Variants in GLDC observed in about 807,000 individuals in gnomAD.
The protein encoded by GLDC is glycine decarboxylase.
Under a neutral mutation model 121.3 loss-of-function variants are expected in GLDC, and 104 were observed. The ratio of observed to expected loss-of-function variants is 0.86; its 90% CI spans 0.73 to 1.01. The LOEUF is 1.01. Among genes scored for constraint, GLDC ranks in the 50% least tolerant of loss-of-function variants. GLDC has a pLI of 0.00. For missense variants in GLDC, 1,429 were observed against 1,306.6 expected (o/e 1.09, Z -1.44); for synonymous variants, 546 against 480.6 (o/e 1.14, Z -1.78).
chr9:6,593,683 T>C (rs1818428270), intron 9 of GLDC, among the ~76,000 whole-genome samples: 1 of 151,230 alleles, frequency 6.6e-6, no homozygotes, highest in Admixed American at 6.6e-5. Flanking sequence ...TGAACCATGA[T>C]TTAATCACTT....
intron 3 of GLDC, among the ~76,000 whole-genome samples, chr9:6,615,739 T>A (rs1818956071): frequency 6.6e-6 from 1 of 151,688 alleles, no homozygotes; most frequent in African/African-American, 2.4e-5. Context: ...GCCTCCCAAA[T>A]ATCTGAGATT....
At chr9:6,540,232 T>C (rs994182667) in intron 21 of GLDC, 86 bp from the exon 22 acceptor site, 14 of 890,104 alleles carry the variant, frequency 1.6e-5, no homozygotes, top group Non-Finnish European at 2.3e-5. Context: ...AATAAATAAG[T>C]GCATCAGCTT....
At chr9:6,569,372 T>C (rs1401661167) in intron 15 of GLDC, 1 of 152,052 alleles carries the variant, frequency 6.6e-6, no homozygotes, top group Non-Finnish European at 1.5e-5. Flanking sequence ...ATGGATGTTG[T>C]GCCGGGCGTG....
At chr9:6,598,326 C>G (rs1029598319) in intron 8 of GLDC, among the ~76,000 whole-genome samples, 1 of 152,152 alleles carries the variant, frequency 6.6e-6, no homozygotes, top group African/African-American at 2.4e-5. Flanking sequence ...CCACCGCACC[C>G]TGTTTTTTCA....
intron 24 of GLDC, 123 bp from the exon 25 acceptor site, chr9:6,533,283 C>T: frequency 2.3e-6 from 2 of 867,060 alleles, no homozygotes; most frequent in Non-Finnish European, 4.0e-6. Flanking sequence ...ATTCTGAGAA[C>T]CTAAAATCCA....
At chr9:6,644,772 G>A (rs1819705397) in intron 1 of GLDC, 80 bp from the exon 2 acceptor site, 1 of 936,318 alleles carries the variant, frequency 1.1e-6, no homozygotes, top group South Asian at 1.3e-5. Flanking sequence ...ACAAAGCCTT[G>A]TGGGAACCTC....
chr9:6,621,021 T>A (rs1246329608), intron 2 of GLDC, among the ~76,000 whole-genome samples: 6 of 151,770 alleles, frequency 4.0e-5, no homozygotes, highest in Non-Finnish European at 1.5e-5. Flanking sequence ...AGGCAAAAAA[T>A]TAGCCAGGCA....
At chr9:6,551,578 A>G (rs1371689395) in intron 20 of GLDC, among the ~76,000 whole-genome samples, 2 of 152,178 alleles carry the variant, frequency 1.3e-5, no homozygotes, top group African/African-American at 4.8e-5. Flanking sequence ...CACCAAATAA[A>G]ACAACAGTAG....
chr9:6,570,381 G>T (rs993254350), intron 15 of GLDC, among the ~76,000 whole-genome samples: 2 of 152,134 alleles, frequency 1.3e-5, no homozygotes, highest in African/African-American at 4.8e-5. Flanking sequence ...TATCTAGATT[G>T]ACCATATCTA....
Position 6,540,025 on chromosome 9 carries a change from C to T in GLDC, c.2665+26G>A, listed in dbSNP as rs373862883. 7.8e-5 allele frequency: 111 copies of T among 1,415,098 alleles called. No individual in the cohort carries two copies. In the East Asian group the frequency reaches 1.5e-3, roughly 20 times the overall value. 87.7% of individuals were successfully genotyped at this position (1,415,098 alleles called of 1,614,324 possible). A position where few individuals can be genotyped will look rare whatever the true frequency, so the allele number is the denominator to read the frequency against. On this transcript the variant is annotated intron_variant, in intron 22 of 24. Transcript: ENST00000321612. Reference sequence around the variant, plus strand: ...AGTGGTCCACAGCCAGCATGGGCGGCGGCATGAATGTCAAAAGCCACTTAC... The same window carrying T: ...AGTGGTCCACAGCCAGCATGGGCGGTGGCATGAATGTCAAAAGCCACTTAC...
chr9:6,540,281 CG>C (rs1817227887), intron 21 of GLDC, 135 bp from the exon 22 acceptor site: 1 of 701,350 alleles, frequency 1.4e-6, no homozygotes, highest in African/African-American at 1.8e-5. Context: ...CCATGGGCAC[CG>C]GGTAAGTTTA....
intron 2 of GLDC, among the ~76,000 whole-genome samples, chr9:6,630,443 G>A (rs1319850771): frequency 1.3e-5 from 2 of 151,968 alleles, no homozygotes; most frequent in Non-Finnish European, 2.9e-5. Flanking sequence ...GCCACTAACC[G>A]CGTCAGAGCC....
intron 17 of GLDC, chr9:6,558,054 C>T (rs1013806629): frequency 5.1e-5 from 11 of 215,574 alleles, no homozygotes; most frequent in East Asian, 3.3e-4. Flanking sequence ...GCTGCCAGTC[C>T]GCTGGTGGGA....
chr9:6,641,093 G>C (rs1014479894), intron 2 of GLDC, among the ~76,000 whole-genome samples: 6 of 152,146 alleles, frequency 3.9e-5, no homozygotes, highest in Non-Finnish European at 8.8e-5. Flanking sequence ...AAAGTATTTT[G>C]TCAAGGCACT....
chr9:6,566,812 A>G (rs1201002706), intron 15 of GLDC, among the ~76,000 whole-genome samples: 1 of 152,264 alleles, frequency 6.6e-6, no homozygotes, highest in African/African-American at 2.4e-5. Flanking sequence ...TAAAAATAAA[A>G]TAACTTTTTT....
chr9:6,565,283 A>C, intron 16 of GLDC, 71 bp downstream of exon 16: 1 of 1,077,490 alleles, frequency 9.3e-7, no homozygotes, highest in Non-Finnish European at 1.5e-6. Flanking sequence ...GGAGTGTCCC[A>C]CAGAAGGGAC....
At chr9:6,639,400 T>C in intron 2 of GLDC, 1 of 920,250 alleles carries the variant, frequency 1.1e-6, no homozygotes, top group East Asian at 2.4e-5. Context: ...TGAGTCGCCA[T>C]GAAGAAGATG....
intron 2 of GLDC, among the ~76,000 whole-genome samples, chr9:6,637,221 A>G (rs991111060): frequency 2.6e-5 from 4 of 152,146 alleles, no homozygotes; most frequent in Admixed American, 6.5e-5. Flanking sequence ...CCTGGCCAAC[A>G]TGGTGAAACC....
At chr9:6,640,513 C>G (rs771087237) in intron 2 of GLDC, among the ~76,000 whole-genome samples, 3 of 152,262 alleles carry the variant, frequency 2.0e-5, no homozygotes, top group Non-Finnish European at 4.4e-5. Context: ...CCTCCCTCCG[C>G]TCACTGCCCT....
Sources: gnomAD v4.1 joint callset for allele counts (sites outside exome capture counted in the v4.1 genomes callset) on GRCh38, gnomAD v4.1.1 for gene constraint, MANE v1.5 for transcripts, NCBI Gene and HGNC (gene_info 2026-07-23, HGNC 2026-07-21) for gene names.